Variants in VWC2L observed in about 807,000 individuals in gnomAD.
The protein encoded by VWC2L is von Willebrand factor C domain-containing protein 2-like.
In VWC2L, 10 loss-of-function variants were observed where a neutral mutation model predicts 21.6. The observed-to-expected ratio is 0.46, with a 90% CI of 0.29 to 0.78. VWC2L has a LOEUF of 0.78. Ranked by LOEUF, VWC2L falls within the 30% of genes least tolerant of loss-of-function variation. The pLI, the probability that VWC2L is intolerant of heterozygous loss-of-function variation, is 0.10. For missense variants in VWC2L, 209 were observed against 277.1 expected (o/e 0.75, Z 1.74); for synonymous variants, 96 against 94.3 (o/e 1.02, Z -0.10).
chr2:214,473,210 C>G (rs889380181), intron 3 of VWC2L, among the ~76,000 whole-genome samples: 5 of 152,000 alleles, frequency 3.3e-5, no homozygotes, highest in African/African-American at 1.2e-4. Context: ...GAATAATGAC[C>G]AAGAAGGTGA....
intron 3 of VWC2L, among the ~76,000 whole-genome samples, chr2:214,564,868 T>C (rs1375738029): frequency 6.6e-6 from 1 of 152,112 alleles, no homozygotes; most frequent in African/African-American, 2.4e-5. Flanking sequence ...ATCCTACACA[T>C]CTCCTCCCTC....
At chr2:214,537,427 GA>G (rs373006868) in intron 3 of VWC2L, among the ~76,000 whole-genome samples, 1,525 of 143,832 alleles carry the variant, frequency 0.011, 25 homozygotes, top group African/African-American at 0.035. Flanking sequence ...ACAAAAAGAC[GA>G]AAAAAAAAAG....
intron 3 of VWC2L, among the ~76,000 whole-genome samples, chr2:214,533,594 A>G (rs1388034797): frequency 6.6e-6 from 1 of 152,040 alleles, no homozygotes; most frequent in Non-Finnish European, 1.5e-5. Flanking sequence ...TTGAAAAAAC[A>G]AATAACAGAC....
chr2:214,541,913 T>TTTG (rs1689634229), intron 3 of VWC2L, among the ~76,000 whole-genome samples: 1 of 36,142 alleles, frequency 2.8e-5, no homozygotes, highest in African/African-American at 7.9e-5. Flanking sequence ...CTGTTTACTG[T>TTTG]TTTTTTTTTT....
intron 3 of VWC2L, among the ~76,000 whole-genome samples, chr2:214,464,624 T>C (rs1378506977): frequency 2.6e-5 from 4 of 152,116 alleles, no homozygotes; most frequent in African/African-American, 9.7e-5. Context: ...CCAAGGCCCA[T>C]GGCAACCACT....
chr2:214,517,664 A>G (rs935324773), intron 3 of VWC2L, among the ~76,000 whole-genome samples: 10 of 152,212 alleles, frequency 6.6e-5, no homozygotes, highest in Non-Finnish European at 1.2e-4. Flanking sequence ...AAATAAATGA[A>G]CACAAAAGAC....
intron 3 of VWC2L, among the ~76,000 whole-genome samples, chr2:214,492,391 A>G (rs1344914424): frequency 6.6e-6 from 1 of 152,222 alleles, no homozygotes; most frequent in Non-Finnish European, 1.5e-5. Flanking sequence ...CGCTGAGACA[A>G]GCACCTTGTG....
At chr2:214,484,175 T>C (rs1688644570) in intron 3 of VWC2L, among the ~76,000 whole-genome samples, 1 of 152,174 alleles carries the variant, frequency 6.6e-6, no homozygotes, top group Non-Finnish European at 1.5e-5. Context: ...GGGCCCACTC[T>C]AATCCAATAT....
At chr2:214,512,329 C>T (rs1689068795) in intron 3 of VWC2L, among the ~76,000 whole-genome samples, 1 of 151,940 alleles carries the variant, frequency 6.6e-6, no homozygotes, top group Admixed American at 6.6e-5. Context: ...ACTGCATGTT[C>T]ACTTATAAGT....
Position 214,425,147 on chromosome 2 carries a change from A to G in VWC2L, c.390+10564A>G, listed in dbSNP as rs185604010. Among the ~76,000 whole-genome samples, 215 of 152,322 alleles carry G rather than the reference A, an allele frequency of 1.4e-3. 1 individual carries two copies. The highest frequency in any genetic ancestry group is 1.2e-3 in the South Asian group (6 of 4,820). ...TAAAATATTTACTATTTGGCTTTCTATAGAGAAGGTTTGCTGATCCTTGCC... is the reference window on the plus strand; with the variant it reads ...TAAAATATTTACTATTTGGCTTTCTGTAGAGAAGGTTTGCTGATCCTTGCC... On this transcript the variant is annotated intron_variant, in intron 2 of 3. Transcript: ENST00000312504.
intron 3 of VWC2L, among the ~76,000 whole-genome samples, chr2:214,571,686 T>A (rs1690151293): frequency 6.6e-6 from 1 of 152,210 alleles, no homozygotes; most frequent in Non-Finnish European, 1.5e-5. Flanking sequence ...ATCTGACAAC[T>A]TAAACCATAC....
At chr2:214,476,662 C>G (rs1487833422) in intron 3 of VWC2L, among the ~76,000 whole-genome samples, 1 of 152,198 alleles carries the variant, frequency 6.6e-6, no homozygotes, top group Non-Finnish European at 1.5e-5. Context: ...AAACCTGAAG[C>G]TGGCCTCATT....
chr2:214,479,182 T>C (rs1382932273), intron 3 of VWC2L, among the ~76,000 whole-genome samples: 1 of 152,194 alleles, frequency 6.6e-6, no homozygotes, highest in Non-Finnish European at 1.5e-5. Flanking sequence ...CTCAAACTAA[T>C]TTTGTTACCA....
chr2:214,481,521 A>G (rs1415440782), intron 3 of VWC2L, among the ~76,000 whole-genome samples: 2 of 152,192 alleles, frequency 1.3e-5, no homozygotes, highest in Non-Finnish European at 2.9e-5. Context: ...GACCAAAAGA[A>G]TAACTGTCCA....
At chr2:214,498,996 A>T (rs1302591850) in intron 3 of VWC2L, among the ~76,000 whole-genome samples, 1 of 137,336 alleles carries the variant, frequency 7.3e-6, no homozygotes, top group Non-Finnish European at 1.5e-5. Flanking sequence ...TCTGAGGCTT[A>T]TATCGTACCA....
chr2:214,512,128 A>G (rs923701138), intron 3 of VWC2L, among the ~76,000 whole-genome samples: 2 of 152,112 alleles, frequency 1.3e-5, no homozygotes, highest in African/African-American at 2.4e-5. Flanking sequence ...CATAGAGTGC[A>G]CACAAGACTG....
At chr2:214,438,011 A>C (rs1404424550) in intron 3 of VWC2L, among the ~76,000 whole-genome samples, 1 of 151,694 alleles carries the variant, frequency 6.6e-6, no homozygotes, top group African/African-American at 2.4e-5. Context: ...CATAGTGACC[A>C]CTCTCTCACT....
chr2:214,571,759 T>G (rs1690152440), intron 3 of VWC2L, among the ~76,000 whole-genome samples: 1 of 152,132 alleles, frequency 6.6e-6, no homozygotes, highest in South Asian at 2.1e-4. Context: ...ATTCTTTCAT[T>G]CATATTCTCT....
intron 3 of VWC2L, among the ~76,000 whole-genome samples, chr2:214,492,642 A>G (rs1029934035): frequency 4.6e-5 from 7 of 152,248 alleles, no homozygotes; most frequent in Non-Finnish European, 8.8e-5. Flanking sequence ...GGTAAATTCA[A>G]TATTATAAAT....
Sources: allele counts gnomAD v4.1 joint callset (sites outside exome capture counted in the v4.1 genomes callset), GRCh38; gene constraint gnomAD v4.1.1; transcripts MANE v1.5; gene names NCBI Gene and HGNC (gene_info 2026-07-23, HGNC 2026-07-21).